VWF: variants seen among roughly 807,000 people sequenced by gnomAD.
VWF encodes the protein von Willebrand factor, also known as Factor VIII related antigen.
In VWF, 176 loss-of-function variants were observed where a neutral mutation model predicts 308.6. The ratio of observed to expected loss-of-function variants is 0.57; its 90% CI spans 0.50 to 0.65. The LOEUF is 0.65. Ranked by LOEUF, VWF falls within the 30% of genes least tolerant of loss-of-function variation. VWF has a pLI of 0.00. For synonymous variants in VWF, 1,385 were observed against 1,443.4 expected (o/e 0.96, Z 0.92); for missense variants, 3,146 against 3,648.2 (o/e 0.86, Z 3.55).
chr12:6,121,445 T>G (rs995211800), intron 2 of VWF, 107 bp from the exon 3 acceptor site: 8 of 1,395,922 alleles, frequency 5.7e-6, no homozygotes, highest in Non-Finnish European at 7.9e-6. Flanking sequence ...TGATAGAAAC[T>G]GGGCTGTGGG....
intron 18 of VWF, among the ~76,000 whole-genome samples, chr12:6,037,523 G>A (rs1322064142): frequency 2.0e-5 from 3 of 152,168 alleles, no homozygotes; most frequent in Admixed American, 2.0e-4. Flanking sequence ...TGTTGGGGCT[G>A]AGAAAATAAA....
chr12:6,073,556 C>T (rs1192925384), intron 8 of VWF, 63 bp downstream of exon 8: 25 of 1,611,768 alleles, frequency 1.6e-5, no homozygotes, highest in Non-Finnish European at 2.0e-5. Context: ...CTTCATCTCA[C>T]TTCCCAAAGC....
chr12:6,042,571 C>T (rs535638669), intron 18 of VWF, among the ~76,000 whole-genome samples: 119 of 152,310 alleles, frequency 7.8e-4, no homozygotes, highest in Non-Finnish European at 1.5e-3. Context: ...TGAAAATAAC[C>T]GAATCTCTTA....
chr12:6,026,026 A>G lies in VWF; in HGVS notation c.2988T>C (p.Cys996=), dbSNP rs1384553680. ...TGTTCTGGATGCCATCAAAATTCCC[A>G]CACAGGCCACACACTTTCTCCTTGA... ...QTYQEKVCGL[C]GNFDGIQNND... The change falls in exon 23 of 52, where the codon TGT becomes TGC. Residue 996 remains cysteine (C), a synonymous_variant. Coordinates refer to ENST00000261405, the MANE Select transcript of VWF (RefSeq NM_000552.5). 1.7e-5 allele frequency: 28 copies of G among 1,613,768 alleles called. No individual in the cohort carries two copies. Among genetic ancestry groups the G allele is most frequent in the Non-Finnish European group, 4.2e-6 (5 of 1,179,860 alleles).
Position 6,024,780 on chromosome 12 carries a change from T to C in VWF, c.3222+800A>G, listed in dbSNP as rs1254114829. On this transcript the variant is annotated intron_variant, in intron 24 of 51. Transcript: ENST00000261405. The surrounding 1 kb of genome is among the most constrained non-coding windows in gnomAD (Gnocchi z 4.0). ...GGCTCACACCTGTAATCCCAGCACT[T>C]TGGGAGGCCGAGGTGGGTAGATCAC... Among the ~76,000 whole-genome samples the C allele has an allele frequency of 6.6e-6, 1 of 152,116 alleles. No individual in the cohort carries two copies. The highest frequency in any genetic ancestry group is 1.5e-5 in the Non-Finnish European group (1 of 68,006).
chr12:6,027,849 TACACACACACACACACACACACAC>T (rs138442170), intron 22 of VWF, among the ~76,000 whole-genome samples: 1 of 131,184 alleles, frequency 7.6e-6, no homozygotes, highest in Non-Finnish European at 1.7e-5. Flanking sequence ...GGAAGACACA[TACACACACACACACACACACACAC>T]ACACACACAC....
At chr12:6,112,833 C>T (rs1399595413) in intron 3 of VWF, among the ~76,000 whole-genome samples, 3 of 129,892 alleles carry the variant, frequency 2.3e-5, no homozygotes, top group East Asian at 1.9e-4. Flanking sequence ...CACAGACACA[C>T]ACACACACAC....
At chr12:6,104,017 C>G (rs1250035150) in intron 5 of VWF, among the ~76,000 whole-genome samples, 2 of 152,118 alleles carry the variant, frequency 1.3e-5, no homozygotes, top group Non-Finnish European at 2.9e-5. Context: ...CAAACTTTTT[C>G]ATCCAGCAAG....
chr12:5,991,334 G>A (rs114810331), intron 38 of VWF, among the ~76,000 whole-genome samples: 2 of 152,104 alleles, frequency 1.3e-5, no homozygotes, highest in African/African-American at 2.4e-5. Flanking sequence ...TTTAACTATG[G>A]TTAGCTGGTG....
intron 3 of VWF, among the ~76,000 whole-genome samples, chr12:6,115,880 C>T (rs1945359277): frequency 1.3e-5 from 2 of 152,082 alleles, no homozygotes; most frequent in African/African-American, 4.8e-5. Flanking sequence ...GACTGAGAAC[C>T]CCTGGTTTCC....
chr12:6,110,672 G>A, intron 4 of VWF, 90 bp from the exon 5 acceptor site: 2 of 1,461,250 alleles, frequency 1.4e-6, no homozygotes, highest in Middle Eastern at 4.4e-4. Flanking sequence ...CATGTTGTAG[G>A]GTTCAGAACA....
intron 7 of VWF, among the ~76,000 whole-genome samples, chr12:6,074,679 T>C (rs1378885933): frequency 2.0e-5 from 3 of 152,228 alleles, no homozygotes; most frequent in Non-Finnish European, 4.4e-5. Context: ...CATCACAGAC[T>C]GCTTATCCGT....
rs216294 is a variant in VWF at position 6,044,584 on chromosome 12, A to G, written c.2282-133T>C. ...GAGTTGCCCACTCACGGGGACCAGC[A>G]GCTGCCTGAGCCAGGGTCCCTGTGT... On this transcript the variant is annotated intron_variant, in intron 17 of 51. Coordinates refer to ENST00000261405, the MANE Select transcript of VWF (RefSeq NM_000552.5). The G allele has an allele frequency of 0.9, 1,048,588 of 1,160,414 alleles. 474,552 individuals carry two copies. Among genetic ancestry groups the G allele is most frequent in the African/African-American group, 0.95 (62,306 of 65,562 alleles). The allele number at this position is 1,160,414 out of a possible 1,614,324, so 71.9% of individuals were successfully genotyped here.
chr12:6,046,903 C>A lies in VWF; in HGVS notation c.2187-86G>T. 1 of 1,225,948 alleles carries A rather than the reference C, an allele frequency of 8.2e-7. No individual in the cohort carries two copies. The allele number at this position is 1,225,948 out of a possible 1,614,324, so 75.9% of individuals were successfully genotyped here. ...ATCTTCACCTCCCACTCACTCTCTG[C>A]CCCTTCCAACCAGGTCCCAGTCCCA... On this transcript the variant is annotated intron_variant, in intron 16 of 51. Transcript: ENST00000261405. This position sits in a 1 kb window ranked among gnomAD's most constrained non-coding sequence, Gnocchi z 5.0.
chr12:6,010,094 G>A (rs1274003062), intron 34 of VWF, among the ~76,000 whole-genome samples: 3 of 152,198 alleles, frequency 2.0e-5, no homozygotes, highest in Non-Finnish European at 4.4e-5. Context: ...ATTGTACACT[G>A]GAAAATTTAT....
At position 6,075,088 on chromosome 12, in the gene VWF, G is replaced by A. The variant is rs1944826768; in HGVS notation, c.874+247C>T. Among the ~76,000 whole-genome samples, 1 of 151,514 alleles carries A rather than the reference G, an allele frequency of 6.6e-6. No homozygotes were observed. Among genetic ancestry groups the A allele is most frequent in the African/African-American group, 2.4e-5 (1 of 41,178 alleles). ...TCGGATTTCCTGAGGGAAGTCAGGG[G>A]GCGCCAGGGGAGGCGTGGGGGCGGG... On this transcript the variant is annotated intron_variant, in intron 7 of 51. Coordinates refer to ENST00000261405, the MANE Select transcript of VWF (RefSeq NM_000552.5). This position sits in a 1 kb window ranked among gnomAD's most constrained non-coding sequence, Gnocchi z 4.7.
chr12:5,993,662 T>TACACAC (rs1215654297), intron 37 of VWF, among the ~76,000 whole-genome samples, 200 bp downstream of exon 37: 42 of 144,454 alleles, frequency 2.9e-4, no homozygotes, highest in East Asian at 1.1e-3. Context: ...TATATATATA[T>TACACAC]ATACACACAC....
chr12:5,970,133 C>T lies in VWF; in HGVS notation c.7549-742G>A, dbSNP rs78090819. Among the ~76,000 whole-genome samples the T allele has an allele frequency of 7.5e-3, 1,148 of 152,268 alleles. 10 individuals are homozygous for T. Among genetic ancestry groups the T allele is most frequent in the African/African-American group, 0.027 (1,107 of 41,536 alleles). On this transcript the variant is annotated intron_variant, in intron 44 of 51. Coordinates refer to ENST00000261405, the MANE Select transcript of VWF (RefSeq NM_000552.5). ...CAGCCATTCTCTTCACCCCCCACTCCTGACTCCCTGTGGCCAAATCTTCCC... is the reference window on the plus strand; with the variant it reads ...CAGCCATTCTCTTCACCCCCCACTCTTGACTCCCTGTGGCCAAATCTTCCC...
rs1387694411 is a variant in VWF at position 6,005,374 on chromosome 12, T to C, written c.5842+6243A>G. Among the ~76,000 whole-genome samples, 6 of 152,168 alleles carry C rather than the reference T, an allele frequency of 3.9e-5. 1 individual carries two copies. The highest frequency in any genetic ancestry group is 1.3e-4 in the Admixed American group (2 of 15,274). On this transcript the variant is annotated intron_variant, in intron 34 of 51. Coordinates refer to ENST00000261405, the MANE Select transcript of VWF (RefSeq NM_000552.5). ...CACCACTGGGGCAAATATTAACATG[T>C]CAATAAATAGTACTGCAACCTATAT... is the stretch of plus-strand genomic sequence containing the variant.
Sources: allele counts gnomAD v4.1 joint callset (sites outside exome capture counted in the v4.1 genomes callset), GRCh38; gene constraint gnomAD v4.1.1; non-coding constraint Gnocchi (gnomAD v3.1); transcripts MANE v1.5; gene names NCBI Gene and HGNC (gene_info 2026-07-23, HGNC 2026-07-21).